Variants in BAIAP3 observed in about 807,000 individuals in gnomAD.
The protein encoded by BAIAP3 is BAI1 associated protein 3.
A neutral mutation model predicts 149.7 loss-of-function variants in BAIAP3; 180 were observed. The ratio of observed to expected loss-of-function variants is 1.20; its 90% CI spans 1.07 to 1.36. The LOEUF (loss-of-function observed/expected upper bound fraction) is 1.36. BAIAP3 is among the 40% of genes most tolerant of loss of function. The pLI is 0.00. For missense variants in BAIAP3, 1,767 were observed against 1,563.4 expected, an observed-to-expected ratio of 1.13 and a Z score of -2.20; for synonymous variants, 845 against 670.7, an observed-to-expected ratio of 1.26 and a Z score of -4.02.
At chr16:1,339,770 AG>A (rs1469048983) in intron 5 of BAIAP3, among the ~76,000 whole-genome samples, 167 bp downstream of exon 5, 72 of 149,154 alleles carry the variant, frequency 4.8e-4, no homozygotes, top group African/African-American at 1.8e-3. Context: ...CACAGGCTGC[AG>A]GTGCACACAG....
Position 1,334,831 on chromosome 16 carries a change from G to C in BAIAP3, c.-11+1082G>C, listed in dbSNP as rs1253391189. 5.0e-6 allele frequency: 7 copies of C among 1,387,634 alleles called. No homozygotes were observed. The East Asian group carries it at 1.8e-4, about 35-fold the overall frequency. The allele number at this position is 1,387,634 out of a possible 1,614,324, so 86.0% of individuals were successfully genotyped here. A position where few individuals can be genotyped will look rare whatever the true frequency, so the allele number is the denominator to read the frequency against. ...GGGAGTCGGGGGGCTGAGGGAGGAA[G>C]AGCAGGGAAGCTGGAGAGAAGACCA... On this transcript the variant is annotated intron_variant, in intron 1 of 33. Coordinates refer to ENST00000426824, the MANE Select transcript of BAIAP3 (RefSeq NM_001199097.2).
chr16:1,341,673 A>C (rs1449436446), intron 8 of BAIAP3, 149 bp from the exon 9 acceptor site: 1 of 1,174,066 alleles, frequency 8.5e-7, no homozygotes, highest in East Asian at 2.4e-5. Context: ...ACGGCTGGCA[A>C]CACCTGGCGG....
chr16:1,340,413 CATAGGCTGCAGGTGTACACAGACAT>C, intron 5 of BAIAP3, among the ~76,000 whole-genome samples: 1 of 99,308 alleles, frequency 1.0e-5, no homozygotes, highest in Admixed American at 1.3e-4. Context: ...GATGCACGCA[CATAGGCTGCAGGTGTACACAGACAT>C]GCACACAGGT....
At position 1,341,337 on chromosome 16, in the gene BAIAP3, G is replaced by T; in HGVS notation, c.579G>T (p.Ser193=). ...GCATGCTGGGCATCCTGCCTGCCTC[G>T]GACGCCACGCGGGAGCCCCGTGCAC... ...PYCMLGILPA[S]DATREPRAQK... The change falls in exon 8 of 34, where the codon TCG becomes TCT. Residue 193 remains serine, a synonymous_variant. Coordinates refer to ENST00000426824, the MANE Select transcript of BAIAP3 (RefSeq NM_001199097.2). 1 of 1,611,760 alleles carries T rather than the reference G, an allele frequency of 6.2e-7. No homozygotes were observed. Among genetic ancestry groups the T allele is most frequent in the African/African-American group, 1.3e-5 (1 of 75,042 alleles).
intron 33 of BAIAP3, 39 bp downstream of exon 33, chr16:1,348,340 T>C: frequency 6.2e-7 from 1 of 1,606,638 alleles, no homozygotes. Context: ...GCAGCGGGCC[T>C]GACCCCGGCC....
Position 1,347,338 on chromosome 16 carries a change from C to T in BAIAP3, c.2792C>T (p.Pro931Leu). The change falls in exon 29 of 34, where the codon CCC becomes CTC. Residue 931 changes from proline (P) to leucine (L), a missense_variant. Coordinates refer to ENST00000426824, the MANE Select transcript of BAIAP3 (RefSeq NM_001199097.2). ...SFFHAEGQGL[P>L]LESLRDGSYK... is the part of the protein sequence containing the mutation. The stretch of plus-strand genomic sequence containing the variant: ...TTCCACGCAGAGGGTCAGGGTTTGC[C>T]CCTGGAGAGCCTGAGGGATGGAAGC... 1.2e-6 allele frequency: 2 copies of T among 1,613,516 alleles called. 1 individual carries two copies. The highest frequency in any genetic ancestry group is 4.5e-5 in the East Asian group (2 of 44,878).
At position 1,348,141 on chromosome 16, in the gene BAIAP3, G is replaced by T; in HGVS notation, c.3195G>T (p.Leu1065Phe). Reference protein sequence around the residue: ...EACRRRAACVLFTVMDHDWLS... With the variant: ...EACRRRAACVFFTVMDHDWLS... The stretch of plus-strand genomic sequence containing the variant: ...GCCGCCGCCGCGCGGCCTGTGTGTT[G>T]TTCACCGTCATGGACCACGACTGGC... The change falls in exon 33 of 34, where the codon TTG becomes TTT. Residue 1065 changes from leucine (L) to phenylalanine (F), a missense_variant. By Grantham distance (22) the Leu-to-Phe change is conservative. Transcript: ENST00000426824. 3 of 1,607,222 alleles carry T rather than the reference G, an allele frequency of 1.9e-6. No homozygotes were observed. The highest frequency in any genetic ancestry group is 1.3e-5 in the African/African-American group (1 of 75,056).
Position 1,343,375 on chromosome 16 carries a change from A to T in BAIAP3, c.1266-18A>T. ...GGGGCGGGGTTCATACCCTTTGACC[A>T]TGGGCCGGGCCCCACAGGCACTGGC... On this transcript the variant is annotated intron_variant, in intron 14 of 33. Transcript: ENST00000426824. The T allele has an allele frequency of 6.3e-7, 1 of 1,576,318 alleles. No individual in the cohort carries two copies. The highest frequency in any genetic ancestry group is 8.6e-7 in the Non-Finnish European group (1 of 1,161,774).
chr16:1,339,064 C>T (rs757010077), intron 3 of BAIAP3, 75 bp downstream of exon 3: 6 of 1,602,942 alleles, frequency 3.7e-6, no homozygotes, highest in Non-Finnish European at 4.3e-6. Context: ...CCGCTCCCTC[C>T]TGCCCTCGCT....
chr16:1,343,019 G>C lies in BAIAP3; in HGVS notation c.1265+3G>C. ...TCACCCTTGCAGCTGGCCGTGCTGTGAGTGGGTGGAGCTACGAGTGGGCGG... is the reference window on the plus strand; with the variant it reads ...TCACCCTTGCAGCTGGCCGTGCTGTCAGTGGGTGGAGCTACGAGTGGGCGG... On this transcript the variant is annotated splice_donor_region_variant and intron_variant, in intron 14 of 33. Transcript: ENST00000426824. 3 of 1,605,236 alleles carry C rather than the reference G, an allele frequency of 1.9e-6. No homozygotes were observed. The highest frequency in any genetic ancestry group is 2.2e-5 in the East Asian group (1 of 44,784).
chr16:1,346,638 A>C lies in BAIAP3; in HGVS notation c.2596A>C (p.Lys866Gln). ...CCCGCTCATGAAGTACCTGGATGAG[A>C]AGCTGGCCCTGCTGAACGCCTCGCT... ...VAPLMKYLDE[K>Q]LALLNASLVK... is the part of the protein sequence containing the mutation. The change falls in exon 27 of 34, where the codon AAG becomes CAG. Residue 866 changes from lysine to glutamine, a missense_variant. Physicochemically the swap from Lys to Gln is moderately conservative, Grantham distance 53. Transcript: ENST00000426824. The C allele has an allele frequency of 2.0e-6, 3 of 1,496,806 alleles. No homozygotes were observed. Among genetic ancestry groups the C allele is most frequent in the Non-Finnish European group, 2.7e-6 (3 of 1,115,596 alleles). The allele number at this position is 1,496,806 out of a possible 1,614,324, so 92.7% of individuals were successfully genotyped here.
At position 1,345,001 on chromosome 16, in the gene BAIAP3, G is replaced by A; in HGVS notation, c.1842G>A (p.Glu614=). ...VAEEAWVLTE[E]LSPKMTLEVA... is the part of the protein sequence containing the mutation. Reference sequence around the variant, plus strand: ...AGGAGGCGTGGGTGCTGACGGAGGAGCTGAGCCCCAAGATGACCCTGGAGG... The same window carrying A: ...AGGAGGCGTGGGTGCTGACGGAGGAACTGAGCCCCAAGATGACCCTGGAGG... Residue 614 remains glutamate, a synonymous_variant, in exon 21 of 34, where the codon GAG becomes GAA. Coordinates refer to ENST00000426824, the MANE Select transcript of BAIAP3 (RefSeq NM_001199097.2). 1 of 1,612,794 alleles carries A rather than the reference G, an allele frequency of 6.2e-7. No individual in the cohort carries two copies. The highest frequency in any genetic ancestry group is 8.5e-7 in the Non-Finnish European group (1 of 1,180,002).
intron 1 of BAIAP3, 116 bp from the exon 2 acceptor site, chr16:1,338,424 G>A: frequency 2.1e-6 from 2 of 932,216 alleles, no homozygotes; most frequent in Admixed American, 2.7e-5. Context: ...CTGTGGGTGA[G>A]CTCCCAGGCC....
In BAIAP3 at chr16:1,346,696, T is replaced by A; in HGVS notation, c.2642+12T>A. 1 of 135,920 alleles carries A rather than the reference T, an allele frequency of 7.4e-6. No individual in the cohort carries two copies. Among genetic ancestry groups the A allele is most frequent in the Non-Finnish European group, 1.3e-5 (1 of 77,158 alleles). 8.4% of individuals were successfully genotyped at this position (135,920 alleles called of 1,614,324 possible). A position where few individuals can be genotyped will look rare whatever the true frequency, so the allele number is the denominator to read the frequency against. On this transcript the variant is annotated intron_variant, in intron 27 of 33. Coordinates refer to ENST00000426824, the MANE Select transcript of BAIAP3 (RefSeq NM_001199097.2). ...GGGAACCTGAGCAGGTGCGGGCGGGTGGGGTGGGATGGGCTGGGCTGGCCC... is the reference window on the plus strand; with the variant it reads ...GGGAACCTGAGCAGGTGCGGGCGGGAGGGGTGGGATGGGCTGGGCTGGCCC...
chr16:1,346,914 G>A lies in BAIAP3; in HGVS notation c.2710G>A (p.Val904Ile), dbSNP rs767809367. ...GCAGGCGCTGGGTGCAAACCGTGAC[G>A]TCTCTGCTGATTTCTACAGCCGCTT... ...ILQALGANRD[V>I]SADFYSRFHF... is the part of the protein sequence containing the mutation. Residue 904 changes from valine to isoleucine, a missense_variant, in exon 28 of 34, where the codon GTC becomes ATC. Coordinates refer to ENST00000426824, the MANE Select transcript of BAIAP3 (RefSeq NM_001199097.2). 24 of 1,611,572 alleles carry A rather than the reference G, an allele frequency of 1.5e-5. No individual in the cohort carries two copies. The highest frequency in any genetic ancestry group is 3.3e-5 in the South Asian group (3 of 90,958).
chr16:1,339,487 C>A lies in BAIAP3; in HGVS notation c.301-9C>A. ...CGCGGCACTGTGGCCGCCCTTCCCC[C>A]ACCTGCAGGTGGAGATGCTCTACGA... On this transcript the variant is annotated splice_polypyrimidine_tract_variant and intron_variant, in intron 4 of 33. Transcript: ENST00000426824. The A allele has an allele frequency of 3.1e-6, 5 of 1,603,638 alleles. No homozygotes were observed. Among genetic ancestry groups the A allele is most frequent in the South Asian group, 1.1e-5 (1 of 90,430 alleles).
chr16:1,334,723 C>A, intron 1 of BAIAP3: 1 of 1,554,630 alleles, frequency 6.4e-7, no homozygotes, highest in Non-Finnish European at 8.7e-7. Context: ...CTGGGCACCG[C>A]CATCGGCTTC....
In BAIAP3 at chr16:1,348,825, G is replaced by A. The variant is rs559285623; in HGVS notation, c.*343G>A. ...GCCCTGGGTGGGCGGTGGGCAGCTG[G>A]TCTCCAGGGACTCAGTGAGTGGCTG... On this transcript the variant is annotated 3_prime_UTR_variant, in exon 34 of 34. Coordinates refer to ENST00000426824, the MANE Select transcript of BAIAP3 (RefSeq NM_001199097.2). 4.7e-6 allele frequency: 2 copies of A among 429,924 alleles called. No individual in the cohort carries two copies. The highest frequency in any genetic ancestry group is 8.6e-6 in the Non-Finnish European group (2 of 233,772). The allele number at this position is 429,924 out of a possible 1,614,324, so 26.6% of individuals were successfully genotyped here.
Position 1,349,306 on chromosome 16 carries a change from T to C in BAIAP3, c.*824T>C. ...ACACAGAGCACAGCTGTGCTGGAAG[T>C]GTGGGGAGAACCCGGACAGCTCAGT... On this transcript the variant is annotated 3_prime_UTR_variant, in exon 34 of 34. Coordinates refer to ENST00000426824, the MANE Select transcript of BAIAP3 (RefSeq NM_001199097.2). The C allele has an allele frequency of 1.0e-6, 1 of 988,762 alleles. No individual in the cohort carries two copies. The allele number at this position is 988,762 out of a possible 1,614,324, so 61.2% of individuals were successfully genotyped here.
Sources: allele counts gnomAD v4.1 joint callset (sites outside exome capture counted in the v4.1 genomes callset), GRCh38; gene constraint gnomAD v4.1.1; transcripts MANE v1.5; gene names NCBI Gene and HGNC (gene_info 2026-07-23, HGNC 2026-07-21).